Variants in MDFIC2 observed in about 807,000 individuals in gnomAD.
MDFIC2 encodes myoD family inhibitor domain-containing protein 2.
At chr3:70,306,988 T>A (rs576949290) in intron 2 of MDFIC2, among the ~76,000 whole-genome samples, 1 of 152,086 alleles carries the variant, frequency 6.6e-6, no homozygotes, top group Non-Finnish European at 1.5e-5. Flanking sequence ...TATATTTATA[T>A]ATATAGAGAG....
chr3:70,216,345 T>C (rs1701412466), intron 2 of MDFIC2, among the ~76,000 whole-genome samples: 1 of 151,200 alleles, frequency 6.6e-6, no homozygotes, highest in South Asian at 2.1e-4. Context: ...AAACTTGTAG[T>C]GCTTCCTAGA....
chr3:70,290,731 C>A (rs1444885933), intron 2 of MDFIC2, among the ~76,000 whole-genome samples: 1 of 152,166 alleles, frequency 6.6e-6, no homozygotes, highest in African/African-American at 2.4e-5. Context: ...GCGTAGGACC[C>A]TCCGAGCCAG....
intron 2 of MDFIC2, among the ~76,000 whole-genome samples, chr3:70,260,323 C>T (rs1006652145): frequency 2.6e-5 from 4 of 152,100 alleles, no homozygotes; most frequent in Admixed American, 2.6e-4. Context: ...ATAAGGATGC[C>T]AGTCATATTG....
In MDFIC2 at chr3:70,201,407, A is replaced by G. The variant is rs141606198; in HGVS notation, c.311-4222T>C. ...CTTTTTTACAGCTGTGTAGTTCTCC[A>G]TGGTATATATGTACCACATTTTCTT... On this transcript the variant is annotated intron_variant, in intron 3 of 3. Coordinates refer to ENST00000567252, the MANE Select transcript of MDFIC2 (RefSeq NM_001364677.1). 3.6e-3 allele frequency among the ~76,000 whole-genome samples: 545 copies of G among 152,090 alleles called. 9 individuals are homozygous for G. The highest frequency in any genetic ancestry group is 0.032 in the Admixed American group (487 of 15,284).
At chr3:70,209,424 C>T (rs1426986919) in intron 2 of MDFIC2, among the ~76,000 whole-genome samples, 1 of 152,012 alleles carries the variant, frequency 6.6e-6, no homozygotes, top group African/African-American at 2.4e-5. Context: ...ATGTCAAGTT[C>T]TATGTTACCG....
chr3:70,245,702 T>C (rs1701700642), intron 2 of MDFIC2, among the ~76,000 whole-genome samples: 1 of 138,400 alleles, frequency 7.2e-6, no homozygotes, highest in Non-Finnish European at 1.6e-5. Flanking sequence ...TATATATATA[T>C]ATATATATAT....
intron 2 of MDFIC2, among the ~76,000 whole-genome samples, chr3:70,251,821 A>C (rs970095517): frequency 6.6e-6 from 1 of 152,228 alleles, no homozygotes; most frequent in African/African-American, 2.4e-5. Context: ...CACCTGATTC[A>C]GATTAGCCAA....
intron 2 of MDFIC2, among the ~76,000 whole-genome samples, chr3:70,292,647 C>G (rs1702249759): frequency 6.6e-6 from 1 of 151,998 alleles, no homozygotes; most frequent in Non-Finnish European, 1.5e-5. Context: ...TATTTAAACT[C>G]CCTAATGATT....
At chr3:70,224,668 CA>C (rs944473142) in intron 2 of MDFIC2, among the ~76,000 whole-genome samples, 5 of 152,106 alleles carry the variant, frequency 3.3e-5, no homozygotes, top group African/African-American at 1.2e-4. Flanking sequence ...CTTGGGAATC[CA>C]CTCTCTGAGA....
At chr3:70,218,911 A>T (rs1701437983) in intron 2 of MDFIC2, among the ~76,000 whole-genome samples, 1 of 152,164 alleles carries the variant, frequency 6.6e-6, no homozygotes, top group Admixed American at 6.6e-5. Flanking sequence ...AGAGTGTTAA[A>T]ATAAGCTACC....
intron 2 of MDFIC2, among the ~76,000 whole-genome samples, chr3:70,224,635 C>G (rs1467121527): frequency 6.6e-6 from 1 of 152,094 alleles, no homozygotes; most frequent in African/African-American, 2.4e-5. Context: ...GTAACGGGGT[C>G]AGTTAGAGAG....
intron 2 of MDFIC2, among the ~76,000 whole-genome samples, chr3:70,260,263 C>T (rs756625331): frequency 3.3e-5 from 5 of 152,164 alleles, no homozygotes; most frequent in Non-Finnish European, 5.9e-5. Context: ...CCTTTGTCAT[C>T]GTACGGCATT....
At chr3:70,265,890 T>G (rs1032995770) in intron 2 of MDFIC2, among the ~76,000 whole-genome samples, 3 of 152,178 alleles carry the variant, frequency 2.0e-5, no homozygotes, top group African/African-American at 7.2e-5. Flanking sequence ...ACTCACTCCC[T>G]GTCACGAGAA....
chr3:70,202,004 A>G (rs1277374883), intron 3 of MDFIC2, among the ~76,000 whole-genome samples: 1 of 152,148 alleles, frequency 6.6e-6, no homozygotes, highest in African/African-American at 2.4e-5. Context: ...CTCTCTCTGA[A>G]TGTATATCCC....
rs559878416 is a variant in MDFIC2, at chr3:70,311,369, T to A, written c.88+517A>T. On this transcript the variant is annotated intron_variant, in intron 2 of 3. Transcript: ENST00000567252. ...ATCTGTACTCATTAGGAGAACATATTGATTTGTGTGCGTATTTCAAGCAAC... is the reference window on the plus strand; with the variant it reads ...ATCTGTACTCATTAGGAGAACATATAGATTTGTGTGCGTATTTCAAGCAAC... Among the ~76,000 whole-genome samples the A allele has an allele frequency of 4.6e-5, 7 of 152,286 alleles. No individual in the cohort carries two copies. The South Asian group carries it at 1.2e-3, about 27-fold the overall frequency.
intron 2 of MDFIC2, among the ~76,000 whole-genome samples, chr3:70,215,273 G>A (rs1215412311): frequency 1.3e-5 from 2 of 152,096 alleles, no homozygotes; most frequent in Non-Finnish European, 2.9e-5. Flanking sequence ...GTAAGGGGCA[G>A]AGCTAGTACT....
chr3:70,310,077 AG>A (rs1175585349), intron 2 of MDFIC2, among the ~76,000 whole-genome samples: 9 of 152,210 alleles, frequency 5.9e-5, no homozygotes, highest in Non-Finnish European at 1.0e-4. Flanking sequence ...GAGATTCATA[AG>A]AAAAACACAG....
intron 2 of MDFIC2, among the ~76,000 whole-genome samples, chr3:70,286,304 A>G (rs1247458427): frequency 6.6e-6 from 1 of 152,186 alleles, no homozygotes; most frequent in Non-Finnish European, 1.5e-5. Context: ...AGCACCGTTT[A>G]TTAAATAGGG....
chr3:70,199,580 C>G (rs1701215782), intron 3 of MDFIC2, among the ~76,000 whole-genome samples: 1 of 152,098 alleles, frequency 6.6e-6, no homozygotes, highest in South Asian at 2.1e-4. Flanking sequence ...TCCGATCTTT[C>G]AAGTGAGTTC....
Sources: allele counts gnomAD v4.1 joint callset (sites outside exome capture counted in the v4.1 genomes callset), GRCh38; gene constraint gnomAD v4.1.1; transcripts MANE v1.5; gene names NCBI Gene and HGNC (gene_info 2026-07-23, HGNC 2026-07-21).